Variants in BBS9 observed in about 807,000 individuals in gnomAD.
The protein encoded by BBS9 is protein PTHB1.
In BBS9, 89 loss-of-function variants were observed where a neutral mutation model predicts 117.7. That is an observed-to-expected ratio of 0.76 (90% CI 0.64 to 0.90). The LOEUF (loss-of-function observed/expected upper bound fraction) is 0.90, where lower values mean the gene tolerates loss of function less well. Ranked by LOEUF, BBS9 falls within the 40% of genes least tolerant of loss-of-function variation. BBS9 has a pLI of 0.00. For missense variants in BBS9, 982 were observed against 1,042.2 expected (o/e 0.94, Z 0.80); for synonymous variants, 379 against 370.9 (o/e 1.02, Z -0.25).
At chr7:33,437,979 T>C (rs1458505813) in intron 19 of BBS9, among the ~76,000 whole-genome samples, 1 of 152,210 alleles carries the variant, frequency 6.6e-6, no homozygotes, top group Non-Finnish European at 1.5e-5. Context: ...AGTTTTGAAA[T>C]ATAGAAATGA....
intron 21 of BBS9, among the ~76,000 whole-genome samples, chr7:33,556,510 G>A (rs888056430): frequency 6.6e-6 from 1 of 152,148 alleles, no homozygotes; most frequent in Non-Finnish European, 1.5e-5. Flanking sequence ...TGGAAAATTA[G>A]TATTTTATTT....
chr7:33,336,309 A>G, intron 9 of BBS9, 132 bp from the exon 10 acceptor site: 3 of 679,694 alleles, frequency 4.4e-6, no homozygotes, highest in Non-Finnish European at 2.5e-6. Context: ...TCTTTGAAGT[A>G]AAACTTTAGA....
chr7:33,218,351 C>G (rs1014937144), intron 5 of BBS9, among the ~76,000 whole-genome samples: 1 of 152,180 alleles, frequency 6.6e-6, no homozygotes, highest in African/African-American at 2.4e-5. Flanking sequence ...GGTATAAGGT[C>G]CATAGTCTTA....
chr7:33,175,482 A>T (rs891443955), intron 4 of BBS9, among the ~76,000 whole-genome samples: 2 of 152,144 alleles, frequency 1.3e-5, no homozygotes, highest in African/African-American at 2.4e-5. Flanking sequence ...CTGAGCAAAG[A>T]ATACCTCAGG....
intron 6 of BBS9, among the ~76,000 whole-genome samples, chr7:33,257,980 T>C (rs543540319): frequency 6.6e-6 from 1 of 152,340 alleles, no homozygotes; most frequent in African/African-American, 2.4e-5. Flanking sequence ...GCAAATAGTT[T>C]ATACTTATTC....
At chr7:33,554,038 T>C (rs1305638695) in intron 21 of BBS9, among the ~76,000 whole-genome samples, 1 of 151,902 alleles carries the variant, frequency 6.6e-6, no homozygotes, top group Non-Finnish European at 1.5e-5. Flanking sequence ...AGCAGGGGAA[T>C]AGCATTCCAA....
At chr7:33,618,459 G>T (rs968021630) in intron 21 of BBS9, among the ~76,000 whole-genome samples, 1 of 152,112 alleles carries the variant, frequency 6.6e-6, no homozygotes, top group Non-Finnish European at 1.5e-5. Context: ...CATCATGGTG[G>T]TGCATAAATC....
At chr7:33,179,170 T>G (rs1017854264) in intron 5 of BBS9, among the ~76,000 whole-genome samples, 2 of 152,186 alleles carry the variant, frequency 1.3e-5, no homozygotes, top group African/African-American at 4.8e-5. Context: ...AAAAAGCAAA[T>G]TACTAAATTC....
chr7:33,161,352 T>C (rs575409289), intron 4 of BBS9, among the ~76,000 whole-genome samples: 47 of 152,302 alleles, frequency 3.1e-4, no homozygotes, highest in Non-Finnish European at 5.0e-4. Context: ...TTCCCACCTA[T>C]GAGTGAGAAC....
intron 19 of BBS9, among the ~76,000 whole-genome samples, chr7:33,445,397 A>C (rs1315737487): frequency 6.6e-6 from 1 of 152,178 alleles, no homozygotes; most frequent in African/African-American, 2.4e-5. Context: ...GCAAAACATG[A>C]AGTTTTGCAG....
chr7:33,561,036 G>C (rs938588177), intron 21 of BBS9, among the ~76,000 whole-genome samples: 1 of 152,104 alleles, frequency 6.6e-6, no homozygotes, highest in Non-Finnish European at 1.5e-5. Context: ...ACTTCTTGGA[G>C]ACCCTTCCTT....
At chr7:33,611,225 C>T (rs1198108415) in intron 21 of BBS9, among the ~76,000 whole-genome samples, 1 of 151,826 alleles carries the variant, frequency 6.6e-6, no homozygotes, top group Non-Finnish European at 1.5e-5. Context: ...CCTGTGAACT[C>T]TCATTTCTAT....
intron 5 of BBS9, among the ~76,000 whole-genome samples, chr7:33,229,283 T>C (rs1791873138): frequency 6.6e-6 from 1 of 152,144 alleles, no homozygotes; most frequent in Non-Finnish European, 1.5e-5. Context: ...ACATTAGTTC[T>C]CTAGACCTGT....
At chr7:33,563,142 T>C (rs1379818908) in intron 21 of BBS9, among the ~76,000 whole-genome samples, 2 of 152,168 alleles carry the variant, frequency 1.3e-5, no homozygotes, top group Non-Finnish European at 2.9e-5. Flanking sequence ...AAAACAGTAC[T>C]CCAGATGTGT....
chr7:33,582,400 G>T (rs540248043), intron 21 of BBS9, among the ~76,000 whole-genome samples: 1 of 152,132 alleles, frequency 6.6e-6, no homozygotes, highest in African/African-American at 2.4e-5. Context: ...CTAAGTGAAG[G>T]CCAGGACAGG....
In BBS9 at chr7:33,580,489, A is replaced by G. The variant is rs182629535; in HGVS notation, c.2522-24376A>G. Among the ~76,000 whole-genome samples, 5 of 141,432 alleles carry G rather than the reference A, an allele frequency of 3.5e-5. No individual in the cohort carries two copies. In the East Asian group the frequency reaches 6.3e-4, roughly 18 times the overall value. The allele number at this position is 141,432 out of a possible 152,430, so 92.8% of individuals were successfully genotyped here. A position where few individuals can be genotyped will look rare whatever the true frequency, so the allele number is the denominator to read the frequency against. On this transcript the variant is annotated intron_variant, in intron 21 of 22. Coordinates refer to ENST00000242067, the MANE Select transcript of BBS9 (RefSeq NM_198428.3). ...TAACAGTCAAGAAATAAGATTGCTT[A>G]TTTGTATGCAAAACAATAGCCTATG...
intron 9 of BBS9, among the ~76,000 whole-genome samples, chr7:33,300,612 G>GT (rs374179445): frequency 0.083 from 11,341 of 135,908 alleles, 870 homozygotes; most frequent in African/African-American, 0.21. Context: ...GACTTTCCTT[G>GT]TTTTTTTTTT....
At chr7:33,527,633 C>G (rs1188756777) in intron 20 of BBS9, among the ~76,000 whole-genome samples, 1 of 152,214 alleles carries the variant, frequency 6.6e-6, no homozygotes, top group Non-Finnish European at 1.5e-5. Flanking sequence ...ACCCACTGAC[C>G]TGCGCCCACT....
intron 9 of BBS9, among the ~76,000 whole-genome samples, chr7:33,328,477 CT>C (rs1013232118): frequency 8.5e-5 from 13 of 152,184 alleles, no homozygotes; most frequent in South Asian, 2.1e-4. Flanking sequence ...ACGTCCAGTA[CT>C]TTTGGACTGA....
Sources: allele counts gnomAD v4.1 joint callset (sites outside exome capture counted in the v4.1 genomes callset), GRCh38; gene constraint gnomAD v4.1.1; transcripts MANE v1.5; gene names NCBI Gene and HGNC (gene_info 2026-07-23, HGNC 2026-07-21).